The following SLC23A2 variants were observed in gnomAD, a reference collection of about 807,000 sequenced individuals.
The protein encoded by SLC23A2 is Na(+)/L-ascorbic acid transporter 2.
Under a neutral mutation model 73.3 loss-of-function variants are expected in SLC23A2, and 36 were observed. The ratio of observed to expected loss-of-function variants is 0.49; its 90% CI spans 0.38 to 0.65. The LOEUF is 0.65. SLC23A2 is among the 30% of genes least tolerant of loss of function. The pLI is 0.00. For missense variants in SLC23A2, 507 were observed against 841.6 expected, an observed-to-expected ratio of 0.60 and a Z score of 4.92; for synonymous variants, 343 against 327.3, an observed-to-expected ratio of 1.05 and a Z score of -0.52.
At chr20:4,953,167 G>A (rs931514786) in intron 2 of SLC23A2, among the ~76,000 whole-genome samples, 5 of 151,942 alleles carry the variant, frequency 3.3e-5, no homozygotes, top group African/African-American at 7.3e-5. Flanking sequence ...TTAGCTAGGC[G>A]TGGTGATGCG....
intron 9 of SLC23A2, among the ~76,000 whole-genome samples, chr20:4,882,374 C>CA (rs1381532347): frequency 1.3e-5 from 2 of 150,470 alleles, no homozygotes; most frequent in Non-Finnish European, 3.0e-5. Flanking sequence ...GACTCCATTG[C>CA]AAAAAAAGAA....
chr20:4,904,356 T>C (rs1313111797), intron 4 of SLC23A2, among the ~76,000 whole-genome samples: 1 of 152,176 alleles, frequency 6.6e-6, no homozygotes, highest in Non-Finnish European at 1.5e-5. Context: ...ATGACTCCAC[T>C]GGGAGAGGAT....
At position 4,862,896 on chromosome 20, in the gene SLC23A2, G is replaced by A. The variant is rs1228807141; in HGVS notation, c.1368C>T (p.Arg456=). The change falls in exon 14 of 17, where the codon CGC becomes CGT. Residue 456 remains arginine, a synonymous_variant. Transcript: ENST00000338244. The surrounding 1 kb of genome is among the most constrained non-coding windows in gnomAD (Gnocchi z 5.1). ...GGGCTGCTCCGCACTGTATCACGCG[G>A]CGGCTGCCGACCTGCAGAACACACA... ...GVLGITKVGS[R]RVIQCGAALM... 1 of 1,611,024 alleles carries A rather than the reference G, an allele frequency of 6.2e-7. No homozygotes were observed. Among genetic ancestry groups the A allele is most frequent in the Admixed American group, 1.7e-5 (1 of 59,898 alleles).
At chr20:4,880,431 G>A (rs1930836542) in intron 9 of SLC23A2, among the ~76,000 whole-genome samples, 1 of 152,124 alleles carries the variant, frequency 6.6e-6, no homozygotes, top group Non-Finnish European at 1.5e-5. Flanking sequence ...GGCAGGTGCT[G>A]GGGGTGCAGA....
rs573663630 is a variant in SLC23A2, at chr20:4,872,286, C to T, written c.1102+1650G>A. On this transcript the variant is annotated intron_variant, in intron 11 of 16. Coordinates refer to ENST00000338244, the MANE Select transcript of SLC23A2 (RefSeq NM_005116.6). This position sits in a 1 kb window ranked among gnomAD's most constrained non-coding sequence, Gnocchi z 4.4. ...AGTACTACATATGTATACAGTAGTACGACTATATCCCTGGAGGTGGCTTTC... is the reference window on the plus strand; with the variant it reads ...AGTACTACATATGTATACAGTAGTATGACTATATCCCTGGAGGTGGCTTTC... Among the ~76,000 whole-genome samples, 13 of 151,828 alleles carry T rather than the reference C, an allele frequency of 8.6e-5. No homozygotes were observed. The highest frequency in any genetic ancestry group is 6.6e-4 in the Admixed American group (10 of 15,256).
In SLC23A2 at chr20:4,919,497, C is replaced by T. The variant is rs553919026; in HGVS notation, c.109-6519G>A. Reference sequence around the variant, plus strand: ...GAGCCTTACCTCTCCCCATGCCGGCCCACAGCAGAGCTCGGGCGGGTGATG... The same window carrying T: ...GAGCCTTACCTCTCCCCATGCCGGCTCACAGCAGAGCTCGGGCGGGTGATG... On this transcript the variant is annotated intron_variant, in intron 3 of 16. Coordinates refer to ENST00000338244, the MANE Select transcript of SLC23A2 (RefSeq NM_005116.6). Among the ~76,000 whole-genome samples, 9 of 152,328 alleles carry T rather than the reference C, an allele frequency of 5.9e-5. No individual in the cohort carries two copies. In the South Asian group the frequency reaches 1.9e-3, roughly 32 times the overall value.
At chr20:4,975,661 G>A (rs1368677324) in intron 1 of SLC23A2, among the ~76,000 whole-genome samples, 4 of 150,160 alleles carry the variant, frequency 2.7e-5, no homozygotes, top group African/African-American at 7.3e-5. Flanking sequence ...GATTACGGGC[G>A]TGAGCCACCG....
At position 4,856,928 on chromosome 20, in the gene SLC23A2, A is replaced by G; in HGVS notation, c.*44T>C. ...TTCTTGTTACTCAGCAAGGAACTAC[A>G]GATACATGCCTCACTGCGGCCAGGC... On this transcript the variant is annotated 3_prime_UTR_variant, in exon 17 of 17. Coordinates refer to ENST00000338244, the MANE Select transcript of SLC23A2 (RefSeq NM_005116.6). This position sits in a 1 kb window ranked among gnomAD's most constrained non-coding sequence, Gnocchi z 4.6. The G allele has an allele frequency of 8.1e-7, 1 of 1,235,724 alleles. No individual in the cohort carries two copies. Among genetic ancestry groups the G allele is most frequent in the South Asian group, 1.2e-5 (1 of 81,160 alleles). 76.5% of individuals were successfully genotyped at this position (1,235,724 alleles called of 1,614,324 possible). A position where few individuals can be genotyped will look rare whatever the true frequency, so the allele number is the denominator to read the frequency against.
intron 3 of SLC23A2, among the ~76,000 whole-genome samples, chr20:4,927,412 C>T (rs1237043696): frequency 6.6e-6 from 1 of 152,324 alleles, no homozygotes; most frequent in East Asian, 1.9e-4. Context: ...AGACCCTCAA[C>T]CCTATCTTCC....
chr20:4,916,148 C>T (rs1217271454), intron 3 of SLC23A2, among the ~76,000 whole-genome samples: 16 of 152,120 alleles, frequency 1.1e-4, no homozygotes, highest in Non-Finnish European at 1.5e-5. Flanking sequence ...AAACTGGCTG[C>T]TGGGAGGATA....
chr20:4,980,492 G>C (rs941585548), intron 1 of SLC23A2, among the ~76,000 whole-genome samples: 3 of 151,478 alleles, frequency 2.0e-5, no homozygotes, highest in Non-Finnish European at 4.4e-5. Flanking sequence ...GAAAAAAATA[G>C]TTATATATAT....
intron 9 of SLC23A2, among the ~76,000 whole-genome samples, chr20:4,879,304 G>T (rs1930783634): frequency 6.6e-6 from 1 of 151,142 alleles, no homozygotes; most frequent in Non-Finnish European, 1.5e-5. Context: ...AGCGACTTGG[G>T]AGGCTGAGGC....
At chr20:4,929,422 C>A (rs1932760812) in intron 3 of SLC23A2, among the ~76,000 whole-genome samples, 1 of 152,336 alleles carries the variant, frequency 6.6e-6, no homozygotes, top group South Asian at 2.1e-4. Flanking sequence ...GGCAGGCTTC[C>A]CCACTCTTCC....
chr20:4,904,829 A>G (rs1476945823), intron 4 of SLC23A2, among the ~76,000 whole-genome samples: 2 of 152,186 alleles, frequency 1.3e-5, no homozygotes, highest in East Asian at 1.9e-4. Context: ...GCAGATGAAA[A>G]GACTTTTTGG....
chr20:4,859,647 G>A (rs1176285262), intron 15 of SLC23A2, among the ~76,000 whole-genome samples: 7 of 152,198 alleles, frequency 4.6e-5, no homozygotes, highest in South Asian at 2.1e-4. Context: ...TAAGAGTGGT[G>A]TTCACCCTAC....
In SLC23A2 at chr20:4,905,299, T is replaced by C. The variant is rs532994790; in HGVS notation, c.208-2741A>G. ...GTACTAAAATGATACAGGAGGGGGCTGTGTGGTCAAGAGGATCAGACAACA... is the reference window on the plus strand; with the variant it reads ...GTACTAAAATGATACAGGAGGGGGCCGTGTGGTCAAGAGGATCAGACAACA... On this transcript the variant is annotated intron_variant, in intron 4 of 16. Transcript: ENST00000338244. 2.1e-4 allele frequency among the ~76,000 whole-genome samples: 32 copies of C among 152,234 alleles called. No individual in the cohort carries two copies. In the East Asian group the frequency reaches 6.0e-3, roughly 28 times the overall value.
At chr20:4,922,918 C>A (rs1010888483) in intron 3 of SLC23A2, among the ~76,000 whole-genome samples, 17 of 151,762 alleles carry the variant, frequency 1.1e-4, no homozygotes, top group Admixed American at 7.9e-4. Flanking sequence ...TAGTAAGAGA[C>A]TGTAGCAAGA....
chr20:4,916,550 A>G (rs1400839897), intron 3 of SLC23A2, among the ~76,000 whole-genome samples: 4 of 152,214 alleles, frequency 2.6e-5, no homozygotes, highest in African/African-American at 9.6e-5. Context: ...ACCTCGATAC[A>G]TTAAAAAAAA....
At chr20:4,968,370 G>A (rs111702553) in intron 2 of SLC23A2, among the ~76,000 whole-genome samples, 427 of 152,286 alleles carry the variant, frequency 2.8e-3, no homozygotes, top group African/African-American at 8.6e-3. Flanking sequence ...AGGACAGGGA[G>A]GCAAAGGAAG....
Sources: allele counts gnomAD v4.1 joint callset (sites outside exome capture counted in the v4.1 genomes callset), GRCh38; gene constraint gnomAD v4.1.1; non-coding constraint Gnocchi (gnomAD v3.1); transcripts MANE v1.5; gene names NCBI Gene and HGNC (gene_info 2026-07-23, HGNC 2026-07-21).